The following WDR64 variants were observed in gnomAD, a reference collection of about 807,000 sequenced individuals.
WDR64 encodes WD repeat-containing protein 64.
WDR64 carries 112 observed loss-of-function variants against 139.3 expected under a neutral mutation model. That is an observed-to-expected ratio of 0.80 (90% CI 0.69 to 0.94). The LOEUF (loss-of-function observed/expected upper bound fraction) is 0.94. Among genes scored for constraint, WDR64 ranks in the 40% least tolerant of loss-of-function variants. WDR64 has a pLI of 0.00. For missense variants in WDR64, 1,206 were observed against 1,293.1 expected, an observed-to-expected ratio of 0.93 and a Z score of 1.03; for synonymous variants, 444 against 437.7, an observed-to-expected ratio of 1.01 and a Z score of -0.18.
intron 20 of WDR64, 44 bp downstream of exon 20, chr1:241,772,975 G>T: frequency 6.6e-7 from 1 of 1,514,128 alleles, no homozygotes; most frequent in South Asian, 1.3e-5. Flanking sequence ...GAATGGGAAA[G>T]ATAAAAAGAA....
In WDR64 at chr1:241,656,870, T is replaced by TTGTGTGTGTGTGTATG. The variant is rs1553359776; in HGVS notation, c.146-3647_146-3646insATGTGTGTGTGTGTGT. 2.3e-3 allele frequency among the ~76,000 whole-genome samples: 196 copies of TTGTGTGTGTGTGTATG among 86,716 alleles called. 1 individual carries two copies. The highest frequency in any genetic ancestry group is 7.3e-3 in the African/African-American group (164 of 22,498). 56.9% of individuals were successfully genotyped at this position (86,716 alleles called of 152,430 possible). On this transcript the variant is annotated intron_variant, in intron 1 of 27. Transcript: ENST00000437684. The surrounding 1 kb of genome is among the most constrained non-coding windows in gnomAD (Gnocchi z 4.3). ...AAATGTCTCAAGTCTTTGCCAAATG[T>TTGTGTGTGTGTGTATG]TGTGTGTGTGTGTGTGTGTGTGTGT... is the stretch of plus-strand genomic sequence containing the variant.
At position 241,720,995 on chromosome 1, in the gene WDR64, T is replaced by C. The variant is rs1668587902; in HGVS notation, c.1055-2302T>C. Among the ~76,000 whole-genome samples the C allele has an allele frequency of 2.0e-5, 3 of 152,184 alleles. No individual in the cohort carries two copies. The South Asian group carries it at 6.2e-4, about 32-fold the overall frequency. The stretch of plus-strand genomic sequence containing the variant: ...TATAAGGTGTAAGAAAAGAGACCAA[T>C]TTCAGTTTTCTGCATGTGGCTAGCC... On this transcript the variant is annotated intron_variant, in intron 9 of 27. Coordinates refer to ENST00000437684, the MANE Select transcript of WDR64 (RefSeq NM_001367482.1).
At chr1:241,720,395 G>A (rs944146389) in intron 9 of WDR64, among the ~76,000 whole-genome samples, 1 of 152,060 alleles carries the variant, frequency 6.6e-6, no homozygotes, top group Non-Finnish European at 1.5e-5. Flanking sequence ...TTCCACAGTG[G>A]TTGAACTAAT....
At chr1:241,697,221 C>T (rs1667527999) in intron 8 of WDR64, among the ~76,000 whole-genome samples, 1 of 152,190 alleles carries the variant, frequency 6.6e-6, no homozygotes, top group African/African-American at 2.4e-5. Flanking sequence ...CAGACTTCTG[C>T]CCCTTTCACT....
At chr1:241,735,851 CTCTCTGTG>C (rs1360816317) in intron 10 of WDR64, among the ~76,000 whole-genome samples, 11 of 87,466 alleles carry the variant, frequency 1.3e-4, no homozygotes, top group South Asian at 8.0e-4. Context: ...CTCTCTCTCT[CTCTCTGTG>C]TGTGTGTGTG....
At chr1:241,757,504 A>G in intron 15 of WDR64, 45 bp downstream of exon 15, 1 of 1,540,406 alleles carries the variant, frequency 6.5e-7, no homozygotes, top group South Asian at 1.2e-5. Context: ...GCTTTTTGTT[A>G]TGGAAATTTA....
rs533805750 is a variant in WDR64, at chr1:241,654,146, G to A, written c.145+1517G>A. The stretch of plus-strand genomic sequence containing the variant: ...TTCTGAATCACTGAAAGCAGCAGCT[G>A]TCCTTTCTATTTCTCCTCCCCTTCA... On this transcript the variant is annotated intron_variant, in intron 1 of 27. Coordinates refer to ENST00000437684, the MANE Select transcript of WDR64 (RefSeq NM_001367482.1). 3.3e-5 allele frequency among the ~76,000 whole-genome samples: 5 copies of A among 152,290 alleles called. No homozygotes were observed. The East Asian group carries it at 9.6e-4, about 29-fold the overall frequency.
At chr1:241,678,559 C>A (rs915667167) in intron 5 of WDR64, among the ~76,000 whole-genome samples, 1 of 151,580 alleles carries the variant, frequency 6.6e-6, no homozygotes, top group Non-Finnish European at 1.5e-5. Context: ...AGGAGGTGGC[C>A]CATGGAAATA....
intron 7 of WDR64, among the ~76,000 whole-genome samples, chr1:241,683,908 C>T (rs1015228320): frequency 1.4e-5 from 2 of 147,480 alleles, no homozygotes; most frequent in African/African-American, 2.5e-5. Flanking sequence ...GAGTGAAATG[C>T]TTCTGGCCTC....
At chr1:241,723,735 A>C (rs987535763) in intron 10 of WDR64, among the ~76,000 whole-genome samples, 8 of 149,638 alleles carry the variant, frequency 5.3e-5, no homozygotes, top group African/African-American at 1.8e-4. Context: ...ACATTAGGAA[A>C]AAAATGAGGA....
At chr1:241,786,334 G>A (rs574814697) in intron 23 of WDR64, among the ~76,000 whole-genome samples, 6 of 152,238 alleles carry the variant, frequency 3.9e-5, no homozygotes, top group African/African-American at 1.2e-4. Flanking sequence ...TTGCTGCAGG[G>A]CTCATGATGA....
chr1:241,767,732 G>A (rs1249907436), intron 16 of WDR64, among the ~76,000 whole-genome samples: 2 of 152,114 alleles, frequency 1.3e-5, no homozygotes, highest in Non-Finnish European at 2.9e-5. Flanking sequence ...CTTTTAGCCA[G>A]TTTTTGAAAG....
intron 23 of WDR64, among the ~76,000 whole-genome samples, chr1:241,785,787 A>G (rs947559958): frequency 2.6e-5 from 4 of 152,232 alleles, no homozygotes; most frequent in Non-Finnish European, 5.9e-5. Flanking sequence ...TGAGATTTTT[A>G]AATATGAAAC....
At chr1:241,755,300 T>C (rs568208321) in intron 14 of WDR64, among the ~76,000 whole-genome samples, 2 of 152,372 alleles carry the variant, frequency 1.3e-5, no homozygotes, top group African/African-American at 4.8e-5. Flanking sequence ...TGGTTTTGAT[T>C]TGCATTTCTC....
chr1:241,687,938 C>A (rs1245100014), intron 8 of WDR64, among the ~76,000 whole-genome samples: 1 of 152,132 alleles, frequency 6.6e-6, no homozygotes, highest in Non-Finnish European at 1.5e-5. Flanking sequence ...AGTTGGCTAA[C>A]CAAGAGCTTG....
chr1:241,674,349 C>T (rs1666378753), intron 3 of WDR64, among the ~76,000 whole-genome samples: 1 of 148,926 alleles, frequency 6.7e-6, no homozygotes, highest in Non-Finnish European at 1.5e-5. Flanking sequence ...CCTCAACCTC[C>T]TGGCTCCAGA....
chr1:241,771,792 C>T lies in WDR64; in HGVS notation c.2290+95C>T, dbSNP rs560443228. ...AGTATTCTTAATGAATATATATATT[C>T]CTTAATATATAAATTCATTATATAT... is the stretch of plus-strand genomic sequence containing the variant. On this transcript the variant is annotated intron_variant, in intron 19 of 27. Transcript: ENST00000437684. The T allele has an allele frequency of 2.8e-3, 1,781 of 633,330 alleles. 20 individuals are homozygous for T. The African/African-American group carries it at 0.032, about 11-fold the overall frequency. The allele number at this position is 633,330 out of a possible 1,614,324, so 39.2% of individuals were successfully genotyped here.
chr1:241,757,494 G>T (rs1260559772), intron 15 of WDR64, 35 bp downstream of exon 15: 3 of 1,563,838 alleles, frequency 1.9e-6, no homozygotes, highest in African/African-American at 2.7e-5. Context: ...TTTAACTTTT[G>T]CTTTTTGTTA....
chr1:241,674,590 G>T, intron 3 of WDR64, 54 bp from the exon 4 acceptor site: 2 of 1,166,278 alleles, frequency 1.7e-6, no homozygotes, highest in South Asian at 2.9e-5. Context: ...TCTAACAAAT[G>T]AGTTTCAGCA....
Sources: allele counts gnomAD v4.1 joint callset (sites outside exome capture counted in the v4.1 genomes callset), GRCh38; gene constraint gnomAD v4.1.1; non-coding constraint Gnocchi (gnomAD v3.1); transcripts MANE v1.5; gene names NCBI Gene and HGNC (gene_info 2026-07-23, HGNC 2026-07-21).